The following NCKAP1L variants were observed in gnomAD, a reference collection of about 807,000 sequenced individuals.
The protein encoded by NCKAP1L is nck-associated protein 1-like.
A neutral mutation model predicts 139.2 loss-of-function variants in NCKAP1L; 53 were observed. The observed-to-expected ratio is 0.38, with a 90% confidence interval of 0.31 to 0.48. NCKAP1L has a LOEUF of 0.48. Ranked by LOEUF, NCKAP1L falls within the 20% of genes least tolerant of loss-of-function variation. The probability of loss-of-function intolerance (pLI) is 0.98; values close to 1 mark genes in which losing one functional copy is unlikely to be tolerated. For missense variants in NCKAP1L, 1,151 were observed against 1,381.9 expected, an observed-to-expected ratio of 0.83 and a Z score of 2.65; for synonymous variants, 468 against 499.7, an observed-to-expected ratio of 0.94 and a Z score of 0.85.
chr12:54,523,629 C>T (rs912600929), intron 19 of NCKAP1L, 90 bp downstream of exon 19: 34 of 1,507,978 alleles, frequency 2.3e-5, no homozygotes, highest in Admixed American at 4.5e-5. Flanking sequence ...AAGAAAAGAG[C>T]GCAAGTCATG....
At chr12:54,521,810 C>G (rs1324311320) in intron 18 of NCKAP1L, among the ~76,000 whole-genome samples, 1 of 151,900 alleles carries the variant, frequency 6.6e-6, no homozygotes, top group African/African-American at 2.4e-5. Flanking sequence ...TTGCTGTTGC[C>G]CTGGAGTCTT....
Position 54,517,868 on chromosome 12 carries a change from A to T in NCKAP1L, c.1268A>T (p.Lys423Ile). 6.2e-7 allele frequency: 1 copy of T among 1,614,194 alleles called. No homozygotes were observed. Among genetic ancestry groups the T allele is most frequent in the Non-Finnish European group, 8.5e-7 (1 of 1,180,010 alleles). ...GIRSLVRRHIKVIQQYHLQYL... is the reference protein window; with the variant it reads ...GIRSLVRRHIIVIQQYHLQYL... ...AGGTCTCTGGTCCGAAGACACATCA[A>T]AGTGATACAGCAATACCACCTTCAG... Residue 423 changes from lysine (K) to isoleucine (I), a missense_variant, in exon 13 of 31, where the codon AAA becomes ATA. Coordinates refer to ENST00000293373, the MANE Select transcript of NCKAP1L (RefSeq NM_005337.5).
intron 3 of NCKAP1L, among the ~76,000 whole-genome samples, chr12:54,501,869 G>C (rs1018566861): frequency 5.3e-5 from 8 of 152,128 alleles, no homozygotes; most frequent in African/African-American, 1.9e-4. Context: ...GTGCATAAGG[G>C]CTATAATTCC....
intron 28 of NCKAP1L, chr12:54,536,514 A>C: frequency 5.7e-6 from 2 of 348,972 alleles, no homozygotes; most frequent in Non-Finnish European, 1.1e-5. Flanking sequence ...AAATAAATAA[A>C]CTAGCTGGGC....
intron 20 of NCKAP1L, among the ~76,000 whole-genome samples, chr12:54,525,459 G>C (rs1375395498): frequency 6.6e-6 from 1 of 152,146 alleles, no homozygotes; most frequent in Non-Finnish European, 1.5e-5. Context: ...TTTGATAATG[G>C]CCCATGTGCA....
chr12:54,502,823 C>CACAA (rs1555170625), intron 3 of NCKAP1L, among the ~76,000 whole-genome samples: 1 of 57,958 alleles, frequency 1.7e-5, no homozygotes, highest in Non-Finnish European at 3.0e-5. Flanking sequence ...CCCATCTACA[C>CACAA]AAAAAAAAAA....
intron 7 of NCKAP1L, among the ~76,000 whole-genome samples, chr12:54,510,827 ATT>A (rs1368806229): frequency 6.7e-6 from 1 of 150,050 alleles, no homozygotes; most frequent in East Asian, 2.0e-4. Context: ...CAGCCTGTTT[ATT>A]TTTTTGTAGA....
At chr12:54,524,790 GA>G (rs1191213463) in intron 20 of NCKAP1L, among the ~76,000 whole-genome samples, 1 of 152,122 alleles carries the variant, frequency 6.6e-6, no homozygotes. Flanking sequence ...GGACCAAGCA[GA>G]AAAATAAAGT....
At chr12:54,525,283 G>A (rs566277238) in intron 20 of NCKAP1L, among the ~76,000 whole-genome samples, 1 of 152,376 alleles carries the variant, frequency 6.6e-6, no homozygotes, top group African/African-American at 2.4e-5. Flanking sequence ...GACAGAAGCA[G>A]GGAAACCAGT....
rs1439562487 is a variant in NCKAP1L, at chr12:54,500,559, A to G, written c.240A>G (p.Glu80=). ...STQHLGPVHR[E]KAEIIRFLTN... ...AACATTTAGGACCAGTACATCGTGA[A>G]AAAGCCGAGATAATTAGATTCCTCA... Residue 80 remains glutamate (E), a synonymous_variant, in exon 3 of 31, where the codon GAA becomes GAG. Transcript: ENST00000293373. The G allele has an allele frequency of 6.2e-7, 1 of 1,613,650 alleles. No individual in the cohort carries two copies. The highest frequency in any genetic ancestry group is 1.7e-5 in the Admixed American group (1 of 60,016).
chr12:54,541,155 A>G (rs1216753861), intron 30 of NCKAP1L, among the ~76,000 whole-genome samples: 2 of 152,216 alleles, frequency 1.3e-5, no homozygotes, highest in Non-Finnish European at 2.9e-5. Flanking sequence ...GGAATCCTAG[A>G]TGCCAGAACC....
chr12:54,508,599 T>G (rs929780509), intron 5 of NCKAP1L, 68 bp downstream of exon 5: 1 of 1,500,136 alleles, frequency 6.7e-7, no homozygotes, highest in Non-Finnish European at 9.1e-7. Flanking sequence ...GAGTCCCTCA[T>G]GCAAAGGAAA....
At position 54,517,849 on chromosome 12, in the gene NCKAP1L, C is replaced by T. The variant is rs1284019334; in HGVS notation, c.1249C>T (p.Leu417=). 6.2e-7 allele frequency: 1 copy of T among 1,614,042 alleles called. No homozygotes were observed. The highest frequency in any genetic ancestry group is 1.3e-5 in the African/African-American group (1 of 74,928). ...TTTCTTGTTGGAGGGGATTAGGTCT[C>T]TGGTCCGAAGACACATCAAAGTGAT... ...LLFLLEGIRS[L]VRRHIKVIQQ... is the part of the protein sequence containing the mutation. Residue 417 remains leucine (L), a synonymous_variant, in exon 13 of 31, where the codon CTG becomes TTG. Transcript: ENST00000293373.
At position 54,500,555 on chromosome 12, in the gene NCKAP1L, G is replaced by C. The variant is rs183671693; in HGVS notation, c.236G>C (p.Arg79Pro). The C allele has an allele frequency of 6.2e-7, 1 of 1,610,714 alleles. No individual in the cohort carries two copies. The highest frequency in any genetic ancestry group is 2.2e-5 in the East Asian group (1 of 44,736). The stretch of plus-strand genomic sequence containing the variant: ...CAGCAACATTTAGGACCAGTACATC[G>C]TGAAAAAGCCGAGATAATTAGATTC... ...NSTQHLGPVH[R>P]EKAEIIRFLT... Residue 79 changes from arginine (R) to proline (P), a missense_variant, in exon 3 of 31, where the codon CGT becomes CCT. Physicochemically the swap from Arg to Pro is moderately radical, Grantham distance 103 (BLOSUM62 -2). Coordinates refer to ENST00000293373, the MANE Select transcript of NCKAP1L (RefSeq NM_005337.5).
At chr12:54,508,656 C>A in intron 5 of NCKAP1L, 125 bp downstream of exon 5, 3 of 999,864 alleles carry the variant, frequency 3.0e-6, no homozygotes, top group Non-Finnish European at 4.4e-6. Flanking sequence ...TACATTGACC[C>A]AGGCAAAATA....
intron 5 of NCKAP1L, among the ~76,000 whole-genome samples, chr12:54,508,931 G>A (rs528038103): frequency 2.6e-5 from 4 of 152,256 alleles, no homozygotes; most frequent in Admixed American, 1.3e-4. Context: ...GACAACTGTG[G>A]CTAACTCTTG....
chr12:54,500,698 A>G (rs1592334890), intron 3 of NCKAP1L, 73 bp downstream of exon 3: 1 of 966,328 alleles, frequency 1.0e-6, no homozygotes, highest in Non-Finnish European at 1.7e-6. Flanking sequence ...ATGTTCATGT[A>G]TTTGCTTAAA....
chr12:54,503,306 TA>T (rs1214883311), intron 3 of NCKAP1L, among the ~76,000 whole-genome samples: 7 of 151,878 alleles, frequency 4.6e-5, no homozygotes, highest in Admixed American at 4.6e-4. Flanking sequence ...TTTATAAACA[TA>T]AAAAATAAAA....
intron 26 of NCKAP1L, among the ~76,000 whole-genome samples, chr12:54,532,662 T>C (rs1195162699): frequency 6.6e-6 from 1 of 152,160 alleles, no homozygotes; most frequent in Admixed American, 6.5e-5. Context: ...CTGCCCTCAG[T>C]CTTTTCTTTT....
Sources: allele counts gnomAD v4.1 joint callset (sites outside exome capture counted in the v4.1 genomes callset), GRCh38; gene constraint gnomAD v4.1.1; transcripts MANE v1.5; gene names NCBI Gene and HGNC (gene_info 2026-07-23, HGNC 2026-07-21).